Variants in CELF2 observed in about 807,000 individuals in gnomAD.
The protein encoded by CELF2 is CUGBP Elav-like family member 2, also known as CUG triplet repeat RNA-binding protein 2.
CELF2 carries 8 observed loss-of-function variants against 62.6 expected under a neutral mutation model. That is an observed-to-expected ratio of 0.13 (90% CI 0.07 to 0.23). The LOEUF (loss-of-function observed/expected upper bound fraction) is 0.23. Ranked by LOEUF, CELF2 falls within the 10% of genes least tolerant of loss-of-function variation. CELF2 has a pLI of 1.00. For missense variants in CELF2, 333 were observed against 671.0 expected, an observed-to-expected ratio of 0.50 and a Z score of 5.56; for synonymous variants, 258 against 250.0, an observed-to-expected ratio of 1.03 and a Z score of -0.30.
intron 1 of CELF2, among the ~76,000 whole-genome samples, chr10:10,803,473 TC>T (rs1252855024): frequency 7.2e-5 from 11 of 152,226 alleles, no homozygotes. Context: ...TGGCAATCTT[TC>T]CTTAGCTATT....
the CELF2 span, among the ~76,000 whole-genome samples, chr10:10,468,503 T>C: frequency 6.6e-6 from 1 of 152,048 alleles, no homozygotes; most frequent in Non-Finnish European, 1.5e-5. Context: ...GCACTGCTGT[T>C]GATTGCTGTT....
At chr10:10,916,113 G>T (rs536048238) in intron 1 of CELF2, among the ~76,000 whole-genome samples, 3 of 152,130 alleles carry the variant, frequency 2.0e-5, no homozygotes, top group Non-Finnish European at 1.5e-5. Context: ...TTCCTCAAGG[G>T]TTGCTTTACA....
chr10:11,185,091 AT>A (rs1045743478), intron 2 of CELF2, among the ~76,000 whole-genome samples: 6 of 151,980 alleles, frequency 3.9e-5, no homozygotes, highest in Non-Finnish European at 7.4e-5. Context: ...TGGATATTAG[AT>A]TTTTTTTAAT....
intron 3 of CELF2, among the ~76,000 whole-genome samples, chr10:11,232,783 A>G (rs2069291514): frequency 1.3e-5 from 2 of 152,208 alleles, no homozygotes; most frequent in Non-Finnish European, 2.9e-5. Flanking sequence ...GCCCACATTC[A>G]TGGATGGGAG....
chr10:10,613,948 A>AT, the CELF2 span, among the ~76,000 whole-genome samples: 39 of 152,092 alleles, frequency 2.6e-4, no homozygotes, highest in South Asian at 3.7e-3. Context: ...CAAGGGCTGG[A>AT]TTTTTTTTAT....
chr10:10,888,875 G>C (rs928890180), intron 1 of CELF2, among the ~76,000 whole-genome samples: 6 of 152,114 alleles, frequency 3.9e-5, no homozygotes, highest in African/African-American at 1.4e-4. Context: ...ATATAACATG[G>C]TCTGTCTCCC....
intron 1 of CELF2, among the ~76,000 whole-genome samples, chr10:11,131,953 G>C (rs2059693505): frequency 6.6e-6 from 1 of 152,166 alleles, no homozygotes; most frequent in Non-Finnish European, 1.5e-5. Flanking sequence ...GTGATATTTT[G>C]GGTGGATATT....
At chr10:10,713,400 A>T in the CELF2 span, among the ~76,000 whole-genome samples, 23 of 152,200 alleles carry the variant, frequency 1.5e-4, no homozygotes, top group Non-Finnish European at 2.1e-4. Context: ...GAACTTCAGT[A>T]AACACTTGGG....
At chr10:11,208,766 C>T (rs953454599) in intron 2 of CELF2, among the ~76,000 whole-genome samples, 3 of 152,140 alleles carry the variant, frequency 2.0e-5, no homozygotes, top group Non-Finnish European at 4.4e-5. Context: ...AGAGGGATTC[C>T]AGTTTCTGTG....
chr10:10,586,330 C>T, the CELF2 span, among the ~76,000 whole-genome samples: 1 of 151,868 alleles, frequency 6.6e-6, no homozygotes, highest in African/African-American at 2.4e-5. Context: ...CATGTTTGAC[C>T]CTCTAGGAGA....
intron 1 of CELF2, among the ~76,000 whole-genome samples, chr10:10,847,557 C>A (rs2059096762): frequency 6.6e-6 from 1 of 152,210 alleles, no homozygotes; most frequent in East Asian, 1.9e-4. Flanking sequence ...AATTCAGATT[C>A]ATGTCCTCCC....
At chr10:10,657,909 A>G in the CELF2 span, among the ~76,000 whole-genome samples, 2 of 152,218 alleles carry the variant, frequency 1.3e-5, no homozygotes, top group Admixed American at 6.5e-5. Context: ...GTTGAATTTT[A>G]TTAAGGCTTG....
the CELF2 span, among the ~76,000 whole-genome samples, chr10:10,730,449 C>A: frequency 1.3e-5 from 2 of 152,122 alleles, no homozygotes; most frequent in East Asian, 3.9e-4. Flanking sequence ...TGCACTCCAT[C>A]CTGGGCGACA....
chr10:10,554,080 G>C, the CELF2 span, among the ~76,000 whole-genome samples: 6 of 152,148 alleles, frequency 3.9e-5, no homozygotes, highest in African/African-American at 1.4e-4. Context: ...CAGCTGGAGA[G>C]ACCATGGCTT....
In CELF2 at chr10:11,290,856, C is replaced by T. The variant is rs977139972; in HGVS notation, c.976+2304C>T. ...TTATTAGAATCCTAAAGTGTAGCAG[C>T]AGCAATGATTGAAATCTACATTTCA... On this transcript the variant is annotated intron_variant, in intron 9 of 12. Transcript: ENST00000633077. The surrounding 1 kb of genome is among the most constrained non-coding windows in gnomAD (Gnocchi z 4.3). 1.3e-5 allele frequency among the ~76,000 whole-genome samples: 2 copies of T among 152,200 alleles called. No individual in the cohort carries two copies. Among genetic ancestry groups the T allele is most frequent in the African/African-American group, 4.8e-5 (2 of 41,440 alleles).
chr10:10,729,109 T>C, the CELF2 span, among the ~76,000 whole-genome samples: 1 of 152,186 alleles, frequency 6.6e-6, no homozygotes, highest in Non-Finnish European at 1.5e-5. Flanking sequence ...GCTAAAGGTT[T>C]TGAGGTTTAA....
At chr10:10,911,234 A>G (rs1167955954) in intron 1 of CELF2, among the ~76,000 whole-genome samples, 2 of 152,184 alleles carry the variant, frequency 1.3e-5, no homozygotes, top group African/African-American at 4.8e-5. Context: ...CCAGGGCCGG[A>G]TGGGCTCCTC....
At position 11,335,533 on chromosome 10, in the gene CELF2, C is replaced by G. The variant is rs1346803612; in HGVS notation, c.*6480C>G. 1 of 152,290 alleles carries G rather than the reference C, an allele frequency of 6.6e-6. No individual in the cohort carries two copies. Among genetic ancestry groups the G allele is most frequent in the African/African-American group, 2.4e-5 (1 of 41,456 alleles). 9.4% of individuals were successfully genotyped at this position (152,290 alleles called of 1,614,324 possible). A position where few individuals can be genotyped will look rare whatever the true frequency, so the allele number is the denominator to read the frequency against. ...AGGTGGAGGAAGGGAGGCTCCCTCC[C>G]CGGGGCTGGCCGCCTCAGTGATGGT... On this transcript the variant is annotated 3_prime_UTR_variant, in exon 13 of 13. Transcript: ENST00000633077. This position sits in a 1 kb window ranked among gnomAD's most constrained non-coding sequence, Gnocchi z 5.0.
the CELF2 span, among the ~76,000 whole-genome samples, chr10:10,723,607 A>T: frequency 6.6e-6 from 1 of 152,010 alleles, no homozygotes; most frequent in Non-Finnish European, 1.5e-5. Flanking sequence ...ACAGTTCCTC[A>T]TTTTTTTTAA....
Sources: allele counts gnomAD v4.1 joint callset (sites outside exome capture counted in the v4.1 genomes callset), GRCh38; gene constraint gnomAD v4.1.1; non-coding constraint Gnocchi (gnomAD v3.1); transcripts MANE v1.5; gene names NCBI Gene and HGNC (gene_info 2026-07-23, HGNC 2026-07-21).